Variants in LONRF1 observed in about 807,000 individuals in gnomAD.
LONRF1 encodes the protein LON peptidase N-terminal domain and RING finger protein 1.
In LONRF1, 37 loss-of-function variants were observed where a neutral mutation model predicts 85.8. That is an observed-to-expected ratio of 0.43 (90% CI 0.33 to 0.57). The LOEUF is 0.57. Ranked by LOEUF, LONRF1 falls within the 20% of genes least tolerant of loss-of-function variation. The pLI is 0.04. For missense variants in LONRF1, 1,036 were observed against 978.0 expected (o/e 1.06, Z -0.79); for synonymous variants, 517 against 390.1 (o/e 1.33, Z -3.83).
At chr8:12,751,903 G>C (rs1409600653) in intron 1 of LONRF1, among the ~76,000 whole-genome samples, 1 of 152,042 alleles carries the variant, frequency 6.6e-6, no homozygotes, top group Non-Finnish European at 1.5e-5. Flanking sequence ...ATACTAAAAA[G>C]ACAGAAAGTT....
At position 12,722,783 on chromosome 8, in the gene LONRF1, C is replaced by T. The variant is rs3802267; in HGVS notation, c.*313G>A. ...CCCAACCCCCACAAGCACACACGCA[C>T]GCACACACACACACACACTCTCTCA... On this transcript the variant is annotated 3_prime_UTR_variant, in exon 12 of 12. Transcript: ENST00000398246. 6 of 181,436 alleles carry T rather than the reference C, an allele frequency of 3.3e-5. No individual in the cohort carries two copies. The highest frequency in any genetic ancestry group is 2.8e-4 in the East Asian group (2 of 7,058). The allele number at this position is 181,436 out of a possible 1,614,324, so 11.2% of individuals were successfully genotyped here. A position where few individuals can be genotyped will look rare whatever the true frequency, so the allele number is the denominator to read the frequency against.
rs756738735 is a variant in LONRF1 at position 12,731,750 on chromosome 8, A to G, written c.1674T>C (p.Thr558=). 1.1e-5 allele frequency: 18 copies of G among 1,612,034 alleles called. No homozygotes were observed. In the South Asian group the frequency reaches 2.0e-4, roughly 18 times the overall value. Residue 558 remains threonine (T), a synonymous_variant, in exon 8 of 12, where the codon ACT becomes ACC. Transcript: ENST00000398246. ...AAGAAACTTACTGTGAGAGTTCAGCAGTTTCTTCATCATATATTTTTTTTC... is the reference window on the plus strand; with the variant it reads ...AAGAAACTTACTGTGAGAGTTCAGCGGTTTCTTCATCATATATTTTTTTTC... The part of the protein sequence containing the change: ...SERKKIYDEE[T]AELSHLTKNV...
intron 2 of LONRF1, among the ~76,000 whole-genome samples, chr8:12,742,780 G>C (rs935629931): frequency 6.6e-6 from 1 of 152,048 alleles, no homozygotes; most frequent in Non-Finnish European, 1.5e-5. Context: ...ACCAAGGCTG[G>C]AATGCAGTGG....
At chr8:12,735,800 T>C (rs987569672) in intron 6 of LONRF1, among the ~76,000 whole-genome samples, 4 of 152,210 alleles carry the variant, frequency 2.6e-5, no homozygotes, top group Non-Finnish European at 5.9e-5. Flanking sequence ...AGTTAGCTTT[T>C]GTATAGCCTT....
At chr8:12,729,526 A>ATATTAAT (rs1798446878) in intron 8 of LONRF1, 194 bp from the exon 9 acceptor site, 2 of 523,498 alleles carry the variant, frequency 3.8e-6, no homozygotes, top group Non-Finnish European at 6.8e-6. Flanking sequence ...CACTGATGAA[A>ATATTAAT]TATTAATACT....
chr8:12,731,906 T>G, intron 7 of LONRF1, 49 bp from the exon 8 acceptor site: 1 of 1,562,042 alleles, frequency 6.4e-7, no homozygotes, highest in Non-Finnish European at 8.7e-7. Flanking sequence ...TCCTACAGTA[T>G]AAAACAGGCA....
chr8:12,725,576 A>C (rs1798264847), intron 11 of LONRF1, 151 bp downstream of exon 11: 1 of 692,460 alleles, frequency 1.4e-6, no homozygotes, highest in African/African-American at 1.8e-5. Context: ...TAGAGAACTC[A>C]TGATTGCAAA....
intron 1 of LONRF1, among the ~76,000 whole-genome samples, chr8:12,747,638 A>C (rs1799215160): frequency 6.6e-6 from 1 of 152,258 alleles, no homozygotes; most frequent in Non-Finnish European, 1.5e-5. Flanking sequence ...AGGTTTAAAG[A>C]AAGCAGAAAT....
intron 2 of LONRF1, 50 bp downstream of exon 2, chr8:12,743,114 C>G (rs963478757): frequency 8.2e-7 from 1 of 1,213,148 alleles, no homozygotes; most frequent in Non-Finnish European, 1.2e-6. Flanking sequence ...ATGCATGTCC[C>G]TTATAGTTAA....
intron 1 of LONRF1, among the ~76,000 whole-genome samples, chr8:12,744,943 G>A (rs975670453): frequency 2.0e-5 from 3 of 151,834 alleles, no homozygotes; most frequent in African/African-American, 4.8e-5. Context: ...TGACATGCAC[G>A]TTCAGAACTG....
chr8:12,747,404 A>G (rs1283635350), intron 1 of LONRF1, among the ~76,000 whole-genome samples: 1 of 152,230 alleles, frequency 6.6e-6, no homozygotes, highest in Non-Finnish European at 1.5e-5. Context: ...AGCTTAAAAA[A>G]TGTTTACTCA....
chr8:12,736,110 AT>A (rs1479523040), intron 6 of LONRF1, among the ~76,000 whole-genome samples: 1 of 152,114 alleles, frequency 6.6e-6, no homozygotes, highest in African/African-American at 2.4e-5. Context: ...TTGCTCAGGA[AT>A]GTAACTGCTA....
At chr8:12,740,849 C>A in intron 3 of LONRF1, 25 bp downstream of exon 3, 1 of 1,610,738 alleles carries the variant, frequency 6.2e-7, no homozygotes, top group South Asian at 1.1e-5. Flanking sequence ...CTACCATGAA[C>A]TGTAATTGTT....
At chr8:12,750,459 ATAAC>A (rs935917271) in intron 1 of LONRF1, among the ~76,000 whole-genome samples, 21 of 152,354 alleles carry the variant, frequency 1.4e-4, no homozygotes, top group African/African-American at 4.8e-4. Context: ...ATTAGCAACA[ATAAC>A]TGATGATAAA....
In LONRF1 at chr8:12,740,985, C is replaced by T; in HGVS notation, c.852G>A (p.Arg284=). The change falls in exon 3 of 12, where the codon AGG becomes AGA. Residue 284 remains arginine, a synonymous_variant. Coordinates refer to ENST00000398246, the MANE Select transcript of LONRF1 (RefSeq NM_152271.5). ...CAGCATCGCAGAGTACTTTTCCTTTCCTGAAGTAGACCTTTAATAAAAGCA... is the reference window on the plus strand; with the variant it reads ...CAGCATCGCAGAGTACTTTTCCTTTTCTGAAGTAGACCTTTAATAAAAGCA... ...QLPDWPEVYF[R]KGKVLCDAGF... The T allele has an allele frequency of 1.2e-6, 2 of 1,613,288 alleles. No homozygotes were observed. The highest frequency in any genetic ancestry group is 1.7e-6 in the Non-Finnish European group (2 of 1,179,478).
intron 10 of LONRF1, 84 bp downstream of exon 10, chr8:12,728,817 C>G: frequency 2.0e-6 from 3 of 1,480,356 alleles, no homozygotes. Flanking sequence ...CTGGTTCATG[C>G]ACCTAGAAAA....
chr8:12,740,842 C>A (rs565938553), intron 3 of LONRF1, 32 bp downstream of exon 3: 1 of 1,609,678 alleles, frequency 6.2e-7, no homozygotes. Flanking sequence ...CTTAGCCCTA[C>A]CATGAACTGT....
Position 12,722,503 on chromosome 8 carries a change from T to TC in LONRF1, c.*592dup, listed in dbSNP as rs1437103237. The TC allele has an allele frequency of 1.3e-5, 2 of 152,654 alleles. No individual in the cohort carries two copies. Among genetic ancestry groups the TC allele is most frequent in the Non-Finnish European group, 2.9e-5 (2 of 68,054 alleles). The allele number at this position is 152,654 out of a possible 1,614,324, so 9.5% of individuals were successfully genotyped here. A position where few individuals can be genotyped will look rare whatever the true frequency, so the allele number is the denominator to read the frequency against. ...GTATTTACATAAATAAGAAACTGTG[T>TC]CATAGTCAATGGTCAAGACAGTTCA... On this transcript the variant is annotated 3_prime_UTR_variant, in exon 12 of 12. Coordinates refer to ENST00000398246, the MANE Select transcript of LONRF1 (RefSeq NM_152271.5).
chr8:12,725,634 G>A, intron 11 of LONRF1, 93 bp downstream of exon 11: 1 of 1,293,644 alleles, frequency 7.7e-7, no homozygotes, highest in Non-Finnish European at 1.1e-6. Flanking sequence ...AGAAAAAGTA[G>A]TGCAGAAAGG....
Sources: gnomAD v4.1 joint callset for allele counts (sites outside exome capture counted in the v4.1 genomes callset) on GRCh38, gnomAD v4.1.1 for gene constraint, MANE v1.5 for transcripts, NCBI Gene and HGNC (gene_info 2026-07-23, HGNC 2026-07-21) for gene names.